Variants in ADTRP observed in about 807,000 individuals in gnomAD.
ADTRP encodes androgen dependent TFPI regulating protein, also known as androgen-dependent TFPI-regulating protein.
ADTRP carries 20 observed loss-of-function variants against 27.0 expected under a neutral mutation model. That is an observed-to-expected ratio of 0.74 (90% confidence interval 0.52 to 1.08). The LOEUF is 1.08. ADTRP is among the 50% of genes least tolerant of loss of function. ADTRP has a pLI of 0.00. For synonymous variants in ADTRP, 101 were observed against 105.2 expected (o/e 0.96, Z 0.25); for missense variants, 251 against 275.0 (o/e 0.91, Z 0.62).
rs574560367 is a variant in ADTRP at position 11,762,389 on chromosome 6, A to G, written c.390+3885T>C. ...TACATTAGACTCAACCAGATTTAAG[A>G]TTGCTAGATGTCAAAACCCTCAATA... On this transcript the variant is annotated intron_variant, in intron 3 of 5. Coordinates refer to ENST00000414691, the MANE Select transcript of ADTRP (RefSeq NM_032744.4). Among the ~76,000 whole-genome samples the G allele has an allele frequency of 8.5e-5, 13 of 152,366 alleles. No individual in the cohort carries two copies. In the South Asian group the frequency reaches 2.7e-3, roughly 32 times the overall value.
chr6:11,726,607 C>A (rs1762211972), intron 4 of ADTRP, among the ~76,000 whole-genome samples: 1 of 152,146 alleles, frequency 6.6e-6, no homozygotes, highest in African/African-American at 2.4e-5. Flanking sequence ...ACTAAATAAA[C>A]CTCTTTTCAA....
chr6:11,742,873 CCAATTGTGAATCGGA>C (rs1561755892), intron 3 of ADTRP, among the ~76,000 whole-genome samples: 1 of 152,164 alleles, frequency 6.6e-6, no homozygotes. Flanking sequence ...TGTTTTTGTT[CCAATTGTGAATCGGA>C]CACCAGCCAG....
chr6:11,715,614 T>C (rs1389616121), intron 5 of ADTRP, among the ~76,000 whole-genome samples: 2 of 151,698 alleles, frequency 1.3e-5, no homozygotes, highest in African/African-American at 2.4e-5. Flanking sequence ...GTTGTTTTCA[T>C]TGGTGTGTCT....
At chr6:11,761,362 G>A (rs759651806) in intron 3 of ADTRP, among the ~76,000 whole-genome samples, 2 of 152,136 alleles carry the variant, frequency 1.3e-5, no homozygotes, top group Non-Finnish European at 2.9e-5. Flanking sequence ...AGATCTTTTC[G>A]ATGGTCTTGT....
chr6:11,769,051 C>T (rs1763671338), intron 1 of ADTRP, among the ~76,000 whole-genome samples: 1 of 151,848 alleles, frequency 6.6e-6, no homozygotes, highest in Admixed American at 6.6e-5. Flanking sequence ...GTGTGGCCCC[C>T]AAAGCCAGGA....
At chr6:11,723,318 G>GC (rs1194792215) in intron 5 of ADTRP, 31 bp downstream of exon 5, 3 of 1,609,178 alleles carry the variant, frequency 1.9e-6, no homozygotes, top group Middle Eastern at 1.7e-4. Flanking sequence ...CGGAAGAAGC[G>GC]CATCTGTAGC....
rs1394012486 is a variant in ADTRP, at chr6:11,765,316, CTGGTT to C, written c.390+953_390+957del. 3.9e-5 allele frequency among the ~76,000 whole-genome samples: 5 copies of C among 129,456 alleles called. No homozygotes were observed. The Admixed American group carries it at 4.5e-4, about 12-fold the overall frequency. The allele number at this position is 129,456 out of a possible 152,430, so 84.9% of individuals were successfully genotyped here. On this transcript the variant is annotated intron_variant, in intron 3 of 5. Coordinates refer to ENST00000414691, the MANE Select transcript of ADTRP (RefSeq NM_032744.4). ...CATGCCACTTCCTTGTGCCTTTCCC[CTGGTT>C]TGTTTTTTTTTTTTTTTTTTTTTGA... is the stretch of plus-strand genomic sequence containing the variant.
intron 3 of ADTRP, among the ~76,000 whole-genome samples, chr6:11,752,092 T>C (rs1489536952): frequency 6.6e-6 from 1 of 152,232 alleles, no homozygotes; most frequent in Non-Finnish European, 1.5e-5. Flanking sequence ...TACTTTTGCA[T>C]ACATTCTGGG....
intron 3 of ADTRP, among the ~76,000 whole-genome samples, chr6:11,754,007 T>C (rs1194627507): frequency 6.6e-6 from 1 of 152,190 alleles, no homozygotes; most frequent in African/African-American, 2.4e-5. Flanking sequence ...TGCTCTCAAA[T>C]GGCATCTGGG....
At chr6:11,749,545 G>T in intron 3 of ADTRP, among the ~76,000 whole-genome samples, 1 of 151,994 alleles carries the variant, frequency 6.6e-6, no homozygotes, top group East Asian at 1.9e-4. Context: ...CCCATGGGAA[G>T]CCTGGAAGAA....
rs140546108 is a variant in ADTRP at position 11,766,034 on chromosome 6, C to T, written c.390+240G>A. Among the ~76,000 whole-genome samples the T allele has an allele frequency of 1.2e-3, 185 of 152,286 alleles. 1 individual carries two copies. The highest frequency in any genetic ancestry group is 4.3e-3 in the African/African-American group (178 of 41,554). On this transcript the variant is annotated intron_variant, in intron 3 of 5. Transcript: ENST00000414691. ...TCAGAACTGTGTGTCTTTTCAAAGA[C>T]TTCCTAAGCAACATGGCAGACTCTC...
intron 5 of ADTRP, among the ~76,000 whole-genome samples, chr6:11,722,396 T>G (rs1275844407): frequency 6.6e-6 from 1 of 152,184 alleles, no homozygotes; most frequent in African/African-American, 2.4e-5. Flanking sequence ...ATACACGGGC[T>G]TATGTTTTCA....
chr6:11,778,738 T>C lies in ADTRP; in HGVS notation c.22A>G (p.Ile8Val), dbSNP rs746717872. The C allele has an allele frequency of 6.2e-7, 1 of 1,614,240 alleles. No homozygotes were observed. Reference sequence around the variant, plus strand: ...CAGCTCAGAACAAGGAAGTGGTATATGCATGTAGAAGTCTTCGTCATGGCG... The same window carrying C: ...CAGCTCAGAACAAGGAAGTGGTATACGCATGTAGAAGTCTTCGTCATGGCG... MTKTSTC[I>V]YHFLVLSWYT... The change falls in exon 1 of 6, where the codon ATA becomes GTA. Residue 8 changes from isoleucine (I) to valine (V), a missense_variant. Transcript: ENST00000414691.
intron 4 of ADTRP, among the ~76,000 whole-genome samples, chr6:11,732,457 G>A (rs376735543): frequency 6.6e-6 from 1 of 152,134 alleles, no homozygotes; most frequent in East Asian, 1.9e-4. Context: ...GAACTTCATG[G>A]CCATCTGTGG....
At chr6:11,739,291 G>A (rs767983019) in intron 3 of ADTRP, among the ~76,000 whole-genome samples, 19 of 152,276 alleles carry the variant, frequency 1.2e-4, no homozygotes, top group Middle Eastern at 3.4e-3. Context: ...ATCATGGGCT[G>A]AAACAATAGC....
chr6:11,754,423 CTTGG>C (rs1763151118), intron 3 of ADTRP, among the ~76,000 whole-genome samples: 3 of 152,092 alleles, frequency 2.0e-5, no homozygotes, highest in African/African-American at 7.2e-5. Flanking sequence ...GGACTTGGAT[CTTGG>C]ATTGGGAGAG....
intron 4 of ADTRP, among the ~76,000 whole-genome samples, chr6:11,726,362 C>A (rs1303581288): frequency 1.3e-5 from 2 of 152,050 alleles, no homozygotes; most frequent in Non-Finnish European, 2.9e-5. Flanking sequence ...GTGTTCGGGT[C>A]ATGGGGTTGG....
At chr6:11,721,501 CTAATT>C (rs1306622407) in intron 5 of ADTRP, among the ~76,000 whole-genome samples, 1 of 152,184 alleles carries the variant, frequency 6.6e-6, no homozygotes, top group African/African-American at 2.4e-5. Flanking sequence ...TTTAACAAAT[CTAATT>C]TTTCTTTAAT....
chr6:11,717,257 C>T (rs892558590), intron 5 of ADTRP: 2 of 1,294,644 alleles, frequency 1.5e-6, no homozygotes, highest in Non-Finnish European at 2.0e-6. Flanking sequence ...CCTTTAACTG[C>T]TGTCAGATAG....
Sources: allele counts gnomAD v4.1 joint callset (sites outside exome capture counted in the v4.1 genomes callset), GRCh38; gene constraint gnomAD v4.1.1; transcripts MANE v1.5; gene names NCBI Gene and HGNC (gene_info 2026-07-23, HGNC 2026-07-21).